GALNT13: variants seen among roughly 807,000 people sequenced by gnomAD.
GALNT13 encodes polypeptide N-acetylgalactosaminyltransferase 13.
GALNT13 carries 28 observed loss-of-function variants against 64.2 expected under a neutral mutation model. That is an observed-to-expected ratio of 0.44 (90% confidence interval 0.32 to 0.60). GALNT13 has a LOEUF of 0.60. Ranked by LOEUF, GALNT13 falls within the 20% of genes least tolerant of loss-of-function variation. The probability of loss-of-function intolerance (pLI) is 0.05; values close to 1 mark genes in which losing one functional copy is unlikely to be tolerated. For missense variants in GALNT13, 577 were observed against 669.8 expected, an observed-to-expected ratio of 0.86 and a Z score of 1.53; for synonymous variants, 214 against 224.6, an observed-to-expected ratio of 0.95 and a Z score of 0.42.
At chr2:154,111,671 T>C (rs1323190884) in intron 3 of GALNT13, among the ~76,000 whole-genome samples, 1 of 152,160 alleles carries the variant, frequency 6.6e-6, no homozygotes, top group African/African-American at 2.4e-5. Flanking sequence ...CACTTCCACT[T>C]CCACCCCTTG....
chr2:153,423,307 A>T, the GALNT13 span: 1 of 151,840 alleles, frequency 6.6e-6, no homozygotes, highest in Admixed American at 6.6e-5. Context: ...CATTCAATAA[A>T]CTCAGGACTC....
At chr2:153,167,236 A>G in the GALNT13 span, among the ~76,000 whole-genome samples, 1 of 152,192 alleles carries the variant, frequency 6.6e-6, no homozygotes, top group African/African-American at 2.4e-5. Flanking sequence ...TGTGGTATCC[A>G]TCCCAACAGA....
the GALNT13 span, among the ~76,000 whole-genome samples, chr2:153,642,850 G>A: frequency 6.6e-6 from 1 of 151,662 alleles, no homozygotes; most frequent in Admixed American, 6.6e-5. Context: ...TTAAAGTGTA[G>A]ATCTGATTAG....
the GALNT13 span, among the ~76,000 whole-genome samples, chr2:153,727,123 G>C: frequency 1.3e-5 from 2 of 151,978 alleles, no homozygotes; most frequent in Non-Finnish European, 2.9e-5. Context: ...TCAGTTATTG[G>C]ATGTAGACTT....
the GALNT13 span, among the ~76,000 whole-genome samples, chr2:153,669,021 C>G: frequency 6.6e-6 from 1 of 152,176 alleles, no homozygotes; most frequent in African/African-American, 2.4e-5. Flanking sequence ...GTCTGCTGGT[C>G]TTTCCCAAGG....
chr2:154,203,079 A>G (rs1687258531), intron 4 of GALNT13, among the ~76,000 whole-genome samples: 2 of 152,090 alleles, frequency 1.3e-5, no homozygotes, highest in South Asian at 4.1e-4. Context: ...GGGGGCTATA[A>G]CTGGCCCCCA....
chr2:153,653,759 A>G, the GALNT13 span, among the ~76,000 whole-genome samples: 1 of 152,202 alleles, frequency 6.6e-6, no homozygotes, highest in Non-Finnish European at 1.5e-5. Context: ...TAAATAAATA[A>G]GAGAAACAGC....
the GALNT13 span, among the ~76,000 whole-genome samples, chr2:153,777,691 C>T: frequency 6.6e-6 from 1 of 152,168 alleles, no homozygotes; most frequent in Admixed American, 6.5e-5. Context: ...TGCCTCACTG[C>T]TCACACCTCT....
At chr2:154,411,206 A>G (rs547162259) in intron 11 of GALNT13, among the ~76,000 whole-genome samples, 92 of 151,968 alleles carry the variant, frequency 6.1e-4, no homozygotes, top group Middle Eastern at 3.4e-3. Context: ...TCAAATAATA[A>G]TAAGCATAAA....
intron 3 of GALNT13, among the ~76,000 whole-genome samples, chr2:154,046,483 T>C (rs1432351205): frequency 6.6e-6 from 1 of 152,208 alleles, no homozygotes; most frequent in Non-Finnish European, 1.5e-5. Flanking sequence ...ATCTTTTGTC[T>C]AATACCTAAC....
chr2:153,677,052 A>C, the GALNT13 span, among the ~76,000 whole-genome samples: 1 of 152,048 alleles, frequency 6.6e-6, no homozygotes, highest in Admixed American at 6.6e-5. Context: ...TAAAGAAATA[A>C]AAGGCCTTTA....
intron 9 of GALNT13, among the ~76,000 whole-genome samples, chr2:154,326,860 G>T (rs965849788): frequency 2.0e-5 from 3 of 152,080 alleles, no homozygotes; most frequent in African/African-American, 7.2e-5. Context: ...CTAATTCTCT[G>T]CAGTAAGTTA....
At chr2:153,688,281 A>G in the GALNT13 span, among the ~76,000 whole-genome samples, 1,113 of 152,114 alleles carry the variant, frequency 7.3e-3, 15 homozygotes, top group African/African-American at 0.026. Flanking sequence ...TTTTACAGAA[A>G]AAGTTTGCAA....
the GALNT13 span, among the ~76,000 whole-genome samples, chr2:153,593,745 G>A: frequency 6.6e-6 from 1 of 152,232 alleles, no homozygotes; most frequent in East Asian, 1.9e-4. Flanking sequence ...GTGCTTTAAT[G>A]TTCAATGTTC....
intron 3 of GALNT13, among the ~76,000 whole-genome samples, chr2:154,089,001 T>C (rs993003505): frequency 6.6e-6 from 1 of 152,076 alleles, no homozygotes; most frequent in Non-Finnish European, 1.5e-5. Context: ...GATTTTCTCT[T>C]TACCTGATTA....
At chr2:153,920,865 T>G (rs1689708404) in intron 2 of GALNT13, among the ~76,000 whole-genome samples, 1 of 152,122 alleles carries the variant, frequency 6.6e-6, no homozygotes, top group Non-Finnish European at 1.5e-5. Flanking sequence ...CCAACAAGCA[T>G]GTGAAAACAT....
chr2:153,593,079 G>A, the GALNT13 span: 1 of 152,442 alleles, frequency 6.6e-6, no homozygotes, highest in African/African-American at 2.4e-5. Flanking sequence ...AGAACAGGGT[G>A]AGAAACCTCA....
the GALNT13 span, among the ~76,000 whole-genome samples, chr2:153,740,908 C>A: frequency 6.6e-6 from 1 of 152,086 alleles, no homozygotes; most frequent in Admixed American, 6.6e-5. Flanking sequence ...CTTTTACTTT[C>A]CGGCTCTCCT....
the GALNT13 span, among the ~76,000 whole-genome samples, chr2:153,399,063 C>T: frequency 0.033 from 4,281 of 130,108 alleles, 260 homozygotes; most frequent in African/African-American, 0.12. Flanking sequence ...TTAGGTCTAA[C>T]GTTTAAGTCT....
Sources: gnomAD v4.1 joint callset for allele counts (sites outside exome capture counted in the v4.1 genomes callset) on GRCh38, gnomAD v4.1.1 for gene constraint, MANE v1.5 for transcripts, NCBI Gene and HGNC (gene_info 2026-07-23, HGNC 2026-07-21) for gene names.